The following ARHGEF26 variants were observed in gnomAD, a reference collection of about 807,000 sequenced individuals.
ARHGEF26 encodes the protein Rho guanine nucleotide exchange factor (GEF) 26.
Under a neutral mutation model 89.4 loss-of-function variants are expected in ARHGEF26, and 59 were observed. The ratio of observed to expected loss-of-function variants is 0.66; its 90% CI spans 0.54 to 0.82. The LOEUF (loss-of-function observed/expected upper bound fraction) is 0.82. Ranked by LOEUF, ARHGEF26 falls within the 40% of genes least tolerant of loss-of-function variation. The pLI is 0.00. For synonymous variants in ARHGEF26, 500 were observed against 428.4 expected (o/e 1.17, Z -2.06); for missense variants, 1,234 against 1,085.6 (o/e 1.14, Z -1.92).
At chr3:154,201,640 T>A (rs1714646879) in intron 9 of ARHGEF26, among the ~76,000 whole-genome samples, 1 of 150,636 alleles carries the variant, frequency 6.6e-6, no homozygotes. Flanking sequence ...AGTGTTCCTA[T>A]TTCTCCACAT....
intron 4 of ARHGEF26, among the ~76,000 whole-genome samples, chr3:154,138,578 A>G (rs1719162907): frequency 6.6e-6 from 1 of 152,222 alleles, no homozygotes; most frequent in African/African-American, 2.4e-5. Context: ...TGTGTGCACC[A>G]GTTGCCCGAG....
Position 154,129,658 on chromosome 3 carries a change from C to T in ARHGEF26, c.1208C>T (p.Ser403Leu). The part of the protein sequence containing the change: ...DEESEPKEQK[S>L]DEKIVIHHKP... ...GAGTCAGAGCCCAAAGAACAGAAGT[C>T]AGATGAAAAAATTGTGATTCACCAT... The change falls in exon 4 of 15, where the codon TCA (serine) becomes TTA (leucine). Residue 403 changes from serine (S) to leucine (L), a missense_variant. By Grantham distance (145) the Ser-to-Leu change is moderately radical. Transcript: ENST00000465093. 1 of 1,612,000 alleles carries T rather than the reference C, an allele frequency of 6.2e-7. No homozygotes were observed. The highest frequency in any genetic ancestry group is 8.5e-7 in the Non-Finnish European group (1 of 1,178,960).
chr3:154,164,936 C>G (rs1195234703), intron 6 of ARHGEF26, among the ~76,000 whole-genome samples: 2 of 152,146 alleles, frequency 1.3e-5, no homozygotes, highest in Non-Finnish European at 2.9e-5. Flanking sequence ...GAAAAGAAAG[C>G]TGGAGTGATT....
chr3:154,177,971 C>A (rs902610037), intron 6 of ARHGEF26, among the ~76,000 whole-genome samples: 10 of 152,032 alleles, frequency 6.6e-5, no homozygotes, highest in African/African-American at 2.4e-4. Flanking sequence ...TTTGGGAGGC[C>A]GAGGCAGGCA....
intron 3 of ARHGEF26, among the ~76,000 whole-genome samples, chr3:154,128,953 G>A: frequency 6.6e-6 from 1 of 152,100 alleles, no homozygotes; most frequent in Non-Finnish European, 1.5e-5. Flanking sequence ...TCATGCTTTA[G>A]TATCAGCTCC....
chr3:154,244,558 T>C (rs1378973546), intron 12 of ARHGEF26, among the ~76,000 whole-genome samples: 1 of 152,118 alleles, frequency 6.6e-6, no homozygotes, highest in African/African-American at 2.4e-5. Context: ...CAAGTTTGGG[T>C]CCGTTGTCCT....
intron 9 of ARHGEF26, among the ~76,000 whole-genome samples, chr3:154,213,247 A>G (rs1434172302): frequency 9.4e-4 from 140 of 148,448 alleles, no homozygotes; most frequent in African/African-American, 3.4e-3. Context: ...GTGTGTATAT[A>G]TATATATATG....
chr3:154,256,517 G>A lies in ARHGEF26; in HGVS notation c.*1044G>A. ...CCAAGTGCTGGGATTATAGGCATGA[G>A]CCACCGTGCCCAGCCTACTTTCTAA... is the stretch of plus-strand genomic sequence containing the variant. On this transcript the variant is annotated 3_prime_UTR_variant, in exon 15 of 15. Coordinates refer to ENST00000465093, the MANE Select transcript of ARHGEF26 (RefSeq NM_015595.4). The A allele has an allele frequency of 5.3e-6, 5 of 935,362 alleles. No individual in the cohort carries two copies. Among genetic ancestry groups the A allele is most frequent in the Non-Finnish European group, 6.2e-6 (5 of 801,460 alleles). 57.9% of individuals were successfully genotyped at this position (935,362 alleles called of 1,614,324 possible). A position where few individuals can be genotyped will look rare whatever the true frequency, so the allele number is the denominator to read the frequency against.
intron 6 of ARHGEF26, among the ~76,000 whole-genome samples, chr3:154,184,907 C>A (rs1343626673): frequency 6.6e-6 from 1 of 152,178 alleles, no homozygotes; most frequent in Non-Finnish European, 1.5e-5. Context: ...TCTTTCTGTG[C>A]CCTTGTTCCT....
chr3:154,127,261 A>C (rs1011462562), intron 3 of ARHGEF26, among the ~76,000 whole-genome samples: 11 of 152,218 alleles, frequency 7.2e-5, no homozygotes, highest in African/African-American at 2.4e-4. Context: ...AAAATTTTTG[A>C]ATCTTTTCAA....
At chr3:154,240,888 A>G (rs762449095) in intron 12 of ARHGEF26, among the ~76,000 whole-genome samples, 13 of 152,292 alleles carry the variant, frequency 8.5e-5, no homozygotes, top group Non-Finnish European at 1.6e-4. Context: ...CAAAAATATG[A>G]TACACTATCC....
At position 154,256,314 on chromosome 3, in the gene ARHGEF26, C is replaced by T; in HGVS notation, c.*841C>T. 1 of 945,390 alleles carries T rather than the reference C, an allele frequency of 1.1e-6. No homozygotes were observed. Among genetic ancestry groups the T allele is most frequent in the Non-Finnish European group, 1.3e-6 (1 of 793,960 alleles). The allele number at this position is 945,390 out of a possible 1,614,324, so 58.6% of individuals were successfully genotyped here. On this transcript the variant is annotated 3_prime_UTR_variant, in exon 15 of 15. Coordinates refer to ENST00000465093, the MANE Select transcript of ARHGEF26 (RefSeq NM_015595.4). ...CTTGGCCCACTGCAACCTCTGCTTC[C>T]TAGGTTCAAGTGATTCTCCTGCCTC...
At chr3:154,176,160 A>G (rs1712804402) in intron 6 of ARHGEF26, among the ~76,000 whole-genome samples, 1 of 152,132 alleles carries the variant, frequency 6.6e-6, no homozygotes, top group South Asian at 2.1e-4. Flanking sequence ...CACCCTGTGA[A>G]AGGATCACAG....
chr3:154,209,204 T>C (rs1715216114), intron 9 of ARHGEF26, among the ~76,000 whole-genome samples: 1 of 152,216 alleles, frequency 6.6e-6, no homozygotes, highest in African/African-American at 2.4e-5. Flanking sequence ...TCAACACAGC[T>C]ATTTTGAACT....
chr3:154,172,791 T>G (rs757954190), intron 6 of ARHGEF26, among the ~76,000 whole-genome samples: 5 of 152,230 alleles, frequency 3.3e-5, no homozygotes, highest in Non-Finnish European at 7.3e-5. Flanking sequence ...AATATGTTTC[T>G]TCTTATAAAA....
At chr3:154,155,408 G>C (rs1720274841) in intron 6 of ARHGEF26, among the ~76,000 whole-genome samples, 1 of 151,942 alleles carries the variant, frequency 6.6e-6, no homozygotes, top group Admixed American at 6.6e-5. Flanking sequence ...CTTAGCTAGT[G>C]AAAGAGAATT....
rs7613667 is a variant in ARHGEF26 at position 154,225,417 on chromosome 3, A to G, written c.1936-439A>G. The stretch of plus-strand genomic sequence containing the variant: ...TCATGAAGTAAATGTAGACTTTTAT[A>G]TTTGTCTCGTTAACCTATAGTTGTG... On this transcript the variant is annotated intron_variant, in intron 10 of 14. Transcript: ENST00000465093. Among the ~76,000 whole-genome samples the G allele has an allele frequency of 7.0e-4, 107 of 152,206 alleles. 1 individual carries two copies. Among genetic ancestry groups the G allele is most frequent in the African/African-American group, 1.9e-3 (79 of 41,552 alleles).
intron 3 of ARHGEF26, 22 bp downstream of exon 3, chr3:154,124,471 C>CT (rs1185254163): frequency 4.0e-6 from 6 of 1,484,128 alleles, no homozygotes; most frequent in Non-Finnish European, 4.5e-6. Flanking sequence ...ATTTTCCAAA[C>CT]TTTCATTGCT....
intron 2 of ARHGEF26, 137 bp from the exon 3 acceptor site, chr3:154,124,273 G>A: frequency 1.6e-6 from 1 of 631,692 alleles, no homozygotes; most frequent in Admixed American, 3.5e-5. Context: ...GCTTCTGTGC[G>A]CTCTTGGAAA....
Sources: gnomAD v4.1 joint callset for allele counts (sites outside exome capture counted in the v4.1 genomes callset) on GRCh38, gnomAD v4.1.1 for gene constraint, MANE v1.5 for transcripts, NCBI Gene and HGNC (gene_info 2026-07-23, HGNC 2026-07-21) for gene names.